SLC9C2: variants seen among roughly 807,000 people sequenced by gnomAD.
The protein encoded by SLC9C2 is sodium/hydrogen exchanger 11.
SLC9C2 carries 75 observed loss-of-function variants against 140.2 expected under a neutral mutation model. The observed-to-expected ratio is 0.53, with a 90% CI of 0.44 to 0.65. The LOEUF (loss-of-function observed/expected upper bound fraction) is 0.65, where lower values mean the gene tolerates loss of function less well. Ranked by LOEUF, SLC9C2 falls within the 30% of genes least tolerant of loss-of-function variation. The pLI, the probability that SLC9C2 is intolerant of heterozygous loss-of-function variation, is 0.00. For missense variants in SLC9C2, 1,074 were observed against 1,331.8 expected (o/e 0.81, Z 3.01); for synonymous variants, 375 against 420.9 (o/e 0.89, Z 1.34).
chr1:173,502,151 T>C (rs1659322325), intron 27 of SLC9C2, among the ~76,000 whole-genome samples: 2 of 151,646 alleles, frequency 1.3e-5, no homozygotes. Flanking sequence ...CATGTGCCTG[T>C]AGTCCCAGCT....
At position 173,533,665 on chromosome 1, in the gene SLC9C2, G is replaced by C. The variant is rs200077172; in HGVS notation, c.2107C>G (p.Gln703Glu). The change falls in exon 17 of 28, where the codon CAG becomes GAG. Residue 703 changes from glutamine to glutamate, a missense_variant. Transcript: ENST00000367714. The stretch of plus-strand genomic sequence containing the variant: ...AAATATCCCATTATTACTGTAAGCT[G>C]TATAAGAGCCAAGTTGTCTGGTCTC... ...KLRPDNLALI[Q>E]LTVIMGYLRI... is the part of the protein sequence containing the mutation. 1.9e-6 allele frequency: 3 copies of C among 1,610,986 alleles called. No individual in the cohort carries two copies. The African/African-American group carries it at 4.0e-5, about 21-fold the overall frequency.
intron 3 of SLC9C2, 49 bp from the exon 4 acceptor site, chr1:173,598,081 T>C: frequency 1.3e-6 from 2 of 1,534,584 alleles, no homozygotes; most frequent in Non-Finnish European, 1.8e-6. Flanking sequence ...CATTTCCAAG[T>C]ATTAGAAACT....
intron 4 of SLC9C2, 131 bp from the exon 5 acceptor site, chr1:173,587,961 G>A: frequency 1.6e-6 from 1 of 641,786 alleles, no homozygotes; most frequent in South Asian, 3.7e-5. Context: ...ACTTTAAAAG[G>A]TATTCTAGTT....
At chr1:173,509,981 A>C (rs1659928684) in intron 23 of SLC9C2, among the ~76,000 whole-genome samples, 3 of 152,228 alleles carry the variant, frequency 2.0e-5, no homozygotes, top group Admixed American at 2.0e-4. Context: ...TCATGAGCCC[A>C]AAGTCCAGGA....
intron 9 of SLC9C2, among the ~76,000 whole-genome samples, chr1:173,561,191 A>G (rs1396285484): frequency 6.6e-6 from 1 of 152,180 alleles, no homozygotes; most frequent in Non-Finnish European, 1.5e-5. Context: ...TAGAATATAA[A>G]CTTCTTGAGG....
Position 173,576,655 on chromosome 1 carries a change from A to G in SLC9C2, c.902+6T>C, listed in dbSNP as rs770113977. The G allele has an allele frequency of 5.0e-6, 8 of 1,589,578 alleles. No individual in the cohort carries two copies. The South Asian group carries it at 9.0e-5, about 18-fold the overall frequency. ...GATCCATCGAAGGGCACGATAGGAA[A>G]CTTACTTAGTAATTACAAGTTCGAT... On this transcript the variant is annotated splice_donor_region_variant and intron_variant, in intron 8 of 27. Coordinates refer to ENST00000367714, the MANE Select transcript of SLC9C2 (RefSeq NM_178527.4).
intron 21 of SLC9C2, among the ~76,000 whole-genome samples, chr1:173,523,456 AC>A (rs1450360296): frequency 6.6e-6 from 1 of 152,218 alleles, no homozygotes; most frequent in Non-Finnish European, 1.5e-5. Context: ...ATATCCCAAA[AC>A]CTAGAACAGT....
chr1:173,527,952 A>C (rs775963274), intron 18 of SLC9C2, among the ~76,000 whole-genome samples: 11 of 152,196 alleles, frequency 7.2e-5, no homozygotes, highest in Non-Finnish European at 1.5e-4. Context: ...AATATTGGGA[A>C]GGTGCCAAAT....
chr1:173,506,713 C>T, intron 25 of SLC9C2, 143 bp downstream of exon 25: 3 of 678,178 alleles, frequency 4.4e-6, no homozygotes, highest in Non-Finnish European at 4.9e-6. Context: ...GCCCTAGGTA[C>T]ATTTTTACTG....
intron 26 of SLC9C2, among the ~76,000 whole-genome samples, chr1:173,503,735 A>G (rs1240956604): frequency 1.3e-5 from 2 of 152,230 alleles, no homozygotes; most frequent in African/African-American, 4.8e-5. Flanking sequence ...TGCATTTTTA[A>G]AATGCAAAAC....
chr1:173,538,680 A>G (rs1662152271), intron 13 of SLC9C2, among the ~76,000 whole-genome samples: 1 of 152,190 alleles, frequency 6.6e-6, no homozygotes, highest in Non-Finnish European at 1.5e-5. Context: ...GAGAAGTACA[A>G]TTATCCAGAT....
chr1:173,542,931 C>G (rs1362915495), intron 13 of SLC9C2, among the ~76,000 whole-genome samples: 1 of 152,156 alleles, frequency 6.6e-6, no homozygotes, highest in East Asian at 1.9e-4. Context: ...TGGAAGCATT[C>G]CCTTTGAAAA....
At chr1:173,502,204 C>T (rs1211791780) in intron 27 of SLC9C2, among the ~76,000 whole-genome samples, 1 of 126,574 alleles carries the variant, frequency 7.9e-6, no homozygotes, top group Non-Finnish European at 1.5e-5. Flanking sequence ...ATCCAGGAAG[C>T]AAAGGTTGCA....
At chr1:173,549,265 ACT>A (rs1413769901) in intron 11 of SLC9C2, among the ~76,000 whole-genome samples, 2 of 152,002 alleles carry the variant, frequency 1.3e-5, no homozygotes, top group Non-Finnish European at 2.9e-5. Context: ...ACTTTATTTC[ACT>A]CTCTATGGGA....
At chr1:173,572,118 A>G (rs1664879540) in intron 9 of SLC9C2, among the ~76,000 whole-genome samples, 1 of 152,254 alleles carries the variant, frequency 6.6e-6, no homozygotes, top group Admixed American at 6.5e-5. Context: ...ATAGTTACAT[A>G]GTCACAAAGC....
At chr1:173,526,754 A>C in intron 18 of SLC9C2, 40 bp from the exon 19 acceptor site, 1 of 1,343,796 alleles carries the variant, frequency 7.4e-7, no homozygotes, top group South Asian at 1.3e-5. Context: ...CTTATTATTC[A>C]TATAGTTTCT....
chr1:173,583,681 C>A (rs1665687761), intron 5 of SLC9C2, 59 bp from the exon 6 acceptor site: 2 of 880,564 alleles, frequency 2.3e-6, no homozygotes, highest in South Asian at 2.1e-5. Flanking sequence ...TGTTCTTGCA[C>A]AGGAAGCAGA....
At chr1:173,593,746 A>T (rs1257726574) in intron 4 of SLC9C2, among the ~76,000 whole-genome samples, 1 of 152,176 alleles carries the variant, frequency 6.6e-6, no homozygotes, top group Non-Finnish European at 1.5e-5. Context: ...GACAAAACAG[A>T]CTTTAAGCCA....
chr1:173,538,370 G>A (rs1404431312), intron 13 of SLC9C2, among the ~76,000 whole-genome samples: 1 of 152,052 alleles, frequency 6.6e-6, no homozygotes, highest in Non-Finnish European at 1.5e-5. Flanking sequence ...AAGTAGGCCT[G>A]GATCAAGAAA....
Sources: allele counts gnomAD v4.1 joint callset (sites outside exome capture counted in the v4.1 genomes callset), GRCh38; gene constraint gnomAD v4.1.1; transcripts MANE v1.5; gene names NCBI Gene and HGNC (gene_info 2026-07-23, HGNC 2026-07-21).